RBFOX1: variants seen among roughly 807,000 people sequenced by gnomAD.
RBFOX1 encodes RNA binding fox-1 homolog 1, also known as RNA binding protein fox-1 homolog 1.
RBFOX1 carries 8 observed loss-of-function variants against 57.7 expected under a neutral mutation model. The ratio of observed to expected loss-of-function variants is 0.14; its 90% CI spans 0.08 to 0.25. The LOEUF is 0.25. Ranked by LOEUF, RBFOX1 falls within the 10% of genes least tolerant of loss-of-function variation. RBFOX1 has a pLI of 1.00. For synonymous variants in RBFOX1, 326 were observed against 222.4 expected, an observed-to-expected ratio of 1.47 and a Z score of -4.15; for missense variants, 611 against 548.5, an observed-to-expected ratio of 1.11 and a Z score of -1.14.
At chr16:7,404,616 G>T (rs2098304383) in intron 4 of RBFOX1, among the ~76,000 whole-genome samples, 3 of 152,210 alleles carry the variant, frequency 2.0e-5, no homozygotes, top group Non-Finnish European at 4.4e-5. Context: ...CTACACCTCA[G>T]AAGAGACCCT....
At chr16:5,498,211 C>G (rs1021295723) in intron 2 of RBFOX1, among the ~76,000 whole-genome samples, 3 of 152,102 alleles carry the variant, frequency 2.0e-5, no homozygotes, top group Non-Finnish European at 2.9e-5. Context: ...GGCGGGATCT[C>G]GGCCCACTGC....
intron 3 of RBFOX1, among the ~76,000 whole-genome samples, chr16:5,738,966 G>C (rs1010072371): frequency 6.9e-6 from 1 of 145,662 alleles, no homozygotes; most frequent in Non-Finnish European, 1.5e-5. Flanking sequence ...ACAAAGAACA[G>C]GCTAACTCCC....
At chr16:7,079,460 T>C (rs1259535090) in intron 4 of RBFOX1, among the ~76,000 whole-genome samples, 1 of 152,224 alleles carries the variant, frequency 6.6e-6, no homozygotes, top group Admixed American at 6.5e-5. Context: ...CATTTTGTCA[T>C]GCAGCACAAG....
chr16:7,374,778 T>C (rs774534509), intron 4 of RBFOX1, among the ~76,000 whole-genome samples: 12 of 152,220 alleles, frequency 7.9e-5, no homozygotes, highest in Non-Finnish European at 1.5e-4. Flanking sequence ...CATCAAGATA[T>C]CCTGGCAACC....
intron 2 of RBFOX1, among the ~76,000 whole-genome samples, chr16:5,548,168 AAAAAAAATATATATATATATAT>A (rs1263110085): frequency 1.7e-5 from 1 of 57,190 alleles, no homozygotes; most frequent in African/African-American, 5.6e-5. Flanking sequence ...TAAAAAAAAA[AAAAAAAATATATATATATATAT>A]ATATATATAT....
chr16:5,324,365 A>G (rs2064501232), intron 1 of RBFOX1, among the ~76,000 whole-genome samples: 1 of 152,216 alleles, frequency 6.6e-6, no homozygotes, highest in African/African-American at 2.4e-5. Flanking sequence ...CAGGAGGCTG[A>G]GGCAGGAGAA....
chr16:5,638,468 C>T (rs1408489745), intron 3 of RBFOX1, among the ~76,000 whole-genome samples: 1 of 152,130 alleles, frequency 6.6e-6, no homozygotes, highest in Non-Finnish European at 1.5e-5. Flanking sequence ...CCTCCATTGC[C>T]TCTTACTTTT....
intron 3 of RBFOX1, among the ~76,000 whole-genome samples, chr16:6,975,954 C>T (rs1353457768): frequency 1.3e-5 from 2 of 151,892 alleles, no homozygotes; most frequent in African/African-American, 2.4e-5. Flanking sequence ...GGTGAAACCC[C>T]ATCTGTACTA....
chr16:7,323,305 T>A (rs1403774326), intron 4 of RBFOX1, among the ~76,000 whole-genome samples: 2 of 152,138 alleles, frequency 1.3e-5, no homozygotes, highest in East Asian at 3.9e-4. Flanking sequence ...GCACCTGTAG[T>A]CCCAGGTTTT....
chr16:5,443,966 A>G (rs532010196), intron 1 of RBFOX1, among the ~76,000 whole-genome samples: 1 of 152,284 alleles, frequency 6.6e-6, no homozygotes, highest in African/African-American at 2.4e-5. Flanking sequence ...CATGTCAACC[A>G]TCGGCTCATG....
At chr16:7,247,887 A>AGAGGGTG (rs1471184328) in intron 4 of RBFOX1, among the ~76,000 whole-genome samples, 8 of 152,282 alleles carry the variant, frequency 5.3e-5, no homozygotes, top group Non-Finnish European at 1.0e-4. Context: ...GGGGCCTATC[A>AGAGGGTG]GAGGGTGGAG....
chr16:6,552,664 A>G (rs2097014337), intron 2 of RBFOX1, among the ~76,000 whole-genome samples: 1 of 152,196 alleles, frequency 6.6e-6, no homozygotes, highest in African/African-American at 2.4e-5. Flanking sequence ...AAAAAGAAAC[A>G]AAATTTGTAT....
At chr16:5,261,660 C>G (rs1404911557) in intron 1 of RBFOX1, among the ~76,000 whole-genome samples, 1 of 149,090 alleles carries the variant, frequency 6.7e-6, no homozygotes, top group Non-Finnish European at 1.5e-5. Flanking sequence ...TGCCATTCTT[C>G]TGCCTCAGCC....
intron 4 of RBFOX1, among the ~76,000 whole-genome samples, chr16:7,069,084 G>A (rs572197105): frequency 6.6e-6 from 1 of 152,302 alleles, no homozygotes; most frequent in East Asian, 1.9e-4. Flanking sequence ...TGTAGCAGAT[G>A]GCATCAGATC....
chr16:5,684,308 C>G (rs2050436986), intron 3 of RBFOX1, among the ~76,000 whole-genome samples: 1 of 152,062 alleles, frequency 6.6e-6, no homozygotes, highest in Admixed American at 6.5e-5. Flanking sequence ...TATCTATATC[C>G]TATGAGTTCT....
At chr16:6,508,318 C>A (rs77203470) in intron 2 of RBFOX1, among the ~76,000 whole-genome samples, 13,677 of 152,112 alleles carry the variant, frequency 0.09, 710 homozygotes, top group Middle Eastern at 0.13. Flanking sequence ...CCCTATGACA[C>A]AAGTTACCTA....
intron 1 of RBFOX1, among the ~76,000 whole-genome samples, chr16:5,241,163 C>G (rs1184203786): frequency 6.6e-6 from 1 of 152,206 alleles, no homozygotes; most frequent in African/African-American, 2.4e-5. Context: ...CAGAGCCCCC[C>G]CTGCCCAGTC....
At chr16:6,900,171 C>G (rs547717295) in intron 3 of RBFOX1, among the ~76,000 whole-genome samples, 1 of 152,098 alleles carries the variant, frequency 6.6e-6, no homozygotes, top group African/African-American at 2.4e-5. Flanking sequence ...TGTTCATGTT[C>G]TTATGCTGAG....
intron 3 of RBFOX1, among the ~76,000 whole-genome samples, chr16:6,787,259 GGCCCGTTCTAGGCAGCATAATCTTAAGA>G: frequency 6.6e-6 from 1 of 152,130 alleles, no homozygotes; most frequent in South Asian, 2.1e-4. Context: ...CTAACTGATC[GGCCCGTTCTAGGCAGCATAATCTTAAGA>G]GCAAAAGCCA....
Sources: gnomAD v4.1 joint callset for allele counts (sites outside exome capture counted in the v4.1 genomes callset) on GRCh38, gnomAD v4.1.1 for gene constraint, MANE v1.5 for transcripts, NCBI Gene and HGNC (gene_info 2026-07-23, HGNC 2026-07-21) for gene names.